Variants in CATSPERB observed in about 807,000 individuals in gnomAD.
CATSPERB encodes cation channel sperm-associated auxiliary subunit beta.
In CATSPERB, 93 loss-of-function variants were observed where a neutral mutation model predicts 128.3. The ratio of observed to expected loss-of-function variants is 0.72; its 90% CI spans 0.61 to 0.86. The LOEUF is 0.86. CATSPERB is among the 40% of genes least tolerant of loss of function. The probability of loss-of-function intolerance (pLI) is 0.00; values close to 1 mark genes in which losing one functional copy is unlikely to be tolerated. For synonymous variants in CATSPERB, 381 were observed against 448.8 expected (o/e 0.85, Z 1.91); for missense variants, 1,153 against 1,329.5 (o/e 0.87, Z 2.06).
chr14:91,660,114 TCTCACACACA>T (rs1381475901), intron 14 of CATSPERB, 133 bp from the exon 15 acceptor site: 62 of 352,686 alleles, frequency 1.8e-4, no homozygotes, highest in East Asian at 9.9e-4. Context: ...TCTCTCTCTC[TCTCACACACA>T]CACACACACA....
intron 2 of CATSPERB, among the ~76,000 whole-genome samples, chr14:91,725,922 A>C (rs890437272): frequency 6.6e-6 from 1 of 152,168 alleles, no homozygotes; most frequent in East Asian, 1.9e-4. Context: ...CTCAGAGCAG[A>C]CTAGTAGGTA....
intron 15 of CATSPERB, among the ~76,000 whole-genome samples, chr14:91,653,476 G>A (rs1050015975): frequency 2.0e-5 from 3 of 152,148 alleles, no homozygotes; most frequent in South Asian, 2.1e-4. Context: ...AGACATGCCC[G>A]AGACTGGGCA....
intron 7 of CATSPERB, among the ~76,000 whole-genome samples, chr14:91,701,578 C>T (rs7145655): frequency 5.3e-5 from 8 of 152,172 alleles, no homozygotes; most frequent in African/African-American, 1.4e-4. Context: ...AAATGATCTG[C>T]GGAAGCTTAT....
At chr14:91,642,967 T>C (rs2139808467) in intron 15 of CATSPERB, among the ~76,000 whole-genome samples, 1 of 130,934 alleles carries the variant, frequency 7.6e-6, no homozygotes, top group African/African-American at 2.9e-5. Context: ...AATTTATCCA[T>C]TTCTTCTAGA....
intron 11 of CATSPERB, among the ~76,000 whole-genome samples, chr14:91,676,244 G>T (rs557457089): frequency 1.3e-5 from 2 of 152,080 alleles, no homozygotes; most frequent in South Asian, 4.2e-4. Flanking sequence ...CATCAACACT[G>T]GTTGTGTAAA....
chr14:91,702,688 A>ACACACACT (rs1240400266), intron 7 of CATSPERB, among the ~76,000 whole-genome samples: 1 of 151,358 alleles, frequency 6.6e-6, no homozygotes, highest in Non-Finnish European at 1.5e-5. Context: ...ACACACACAC[A>ACACACACT]CACACACACA....
intron 15 of CATSPERB, among the ~76,000 whole-genome samples, chr14:91,652,614 T>A (rs1441951947): frequency 7.8e-6 from 1 of 128,680 alleles, no homozygotes; most frequent in Non-Finnish European, 1.5e-5. Flanking sequence ...GAGGTTGCAG[T>A]GAGCTGAGAT....
chr14:91,605,435 A>C, intron 22 of CATSPERB: 1 of 494,664 alleles, frequency 2.0e-6, no homozygotes, highest in East Asian at 3.3e-5. Flanking sequence ...CAGAAGCGAA[A>C]GTATCAAGAG....
chr14:91,617,815 T>A (rs1893972280), intron 19 of CATSPERB, 79 bp from the exon 20 acceptor site: 3 of 999,778 alleles, frequency 3.0e-6, no homozygotes, highest in Non-Finnish European at 4.5e-6. Context: ...CTAATCAGAT[T>A]TTAGAACATC....
rs1263959960 is a variant in CATSPERB, at chr14:91,657,577, C to G, written c.1432+2260G>C. Among the ~76,000 whole-genome samples the G allele has an allele frequency of 2.6e-5, 4 of 152,134 alleles. No individual in the cohort carries two copies. The East Asian group carries it at 7.7e-4, about 29-fold the overall frequency. On this transcript the variant is annotated intron_variant, in intron 15 of 26. Transcript: ENST00000256343. ...CAAAAGAAACAATTAACAAAGTGAA[C>G]AGACAATCCACAGAACAGAAGAAAA... is the stretch of plus-strand genomic sequence containing the variant.
chr14:91,682,671 C>G (rs1595177412), intron 11 of CATSPERB, among the ~76,000 whole-genome samples: 2 of 152,292 alleles, frequency 1.3e-5, no homozygotes, highest in South Asian at 4.2e-4. Flanking sequence ...TGCCTGCCAA[C>G]TGGGAAAGCA....
At position 91,589,420 on chromosome 14, in the gene CATSPERB, C is replaced by T. The variant is rs963517491; in HGVS notation, c.2956+114G>A. On this transcript the variant is annotated intron_variant, in intron 24 of 26. Coordinates refer to ENST00000256343, the MANE Select transcript of CATSPERB (RefSeq NM_024764.4). ...ATGCCAACTGATCCAAATCCATTTG[C>T]AAGAACTCCTGGCTCTCTTTTGTGT... The T allele has an allele frequency of 5.5e-5, 55 of 1,001,710 alleles. No individual in the cohort carries two copies. The African/African-American group carries it at 7.7e-4, about 14-fold the overall frequency. The allele number at this position is 1,001,710 out of a possible 1,614,324, so 62.1% of individuals were successfully genotyped here. A position where few individuals can be genotyped will look rare whatever the true frequency, so the allele number is the denominator to read the frequency against.
At chr14:91,715,079 A>G (rs1895914474) in intron 5 of CATSPERB, 1 of 152,156 alleles carries the variant, frequency 6.6e-6, no homozygotes, top group East Asian at 1.9e-4. Context: ...ACACATTCAC[A>G]GAAGCTTCTC....
intron 26 of CATSPERB, among the ~76,000 whole-genome samples, chr14:91,584,299 C>A (rs1893258998): frequency 6.6e-6 from 1 of 152,046 alleles, no homozygotes. Context: ...GAACTCCTGA[C>A]CTCAAGTGAT....
chr14:91,584,951 T>C (rs924994638), intron 26 of CATSPERB, among the ~76,000 whole-genome samples: 2 of 152,202 alleles, frequency 1.3e-5, no homozygotes, highest in Non-Finnish European at 2.9e-5. Flanking sequence ...ACTTACGTCT[T>C]CACCAAACTT....
At chr14:91,722,579 G>A (rs926169622) in intron 4 of CATSPERB, among the ~76,000 whole-genome samples, 3 of 152,152 alleles carry the variant, frequency 2.0e-5, no homozygotes, top group African/African-American at 4.8e-5. Context: ...TCTGGAATTA[G>A]TAGTGATGGT....
In CATSPERB at chr14:91,672,547, T is replaced by A. The variant is rs185795343; in HGVS notation, c.1128+320A>T. ...TATAGATCTGTGGCAATTACTTCCATTTTTTTTTCTGTTTAATTAACCATT... is the reference window on the plus strand; with the variant it reads ...TATAGATCTGTGGCAATTACTTCCAATTTTTTTTCTGTTTAATTAACCATT... On this transcript the variant is annotated intron_variant, in intron 13 of 26. Coordinates refer to ENST00000256343, the MANE Select transcript of CATSPERB (RefSeq NM_024764.4). Among the ~76,000 whole-genome samples, 1,149 of 148,638 alleles carry A rather than the reference T, an allele frequency of 7.7e-3. 12 individuals carry two copies. Among genetic ancestry groups the A allele is most frequent in the Non-Finnish European group, 9.2e-3 (613 of 66,364 alleles).
chr14:91,629,609 G>A (rs1421041110), intron 17 of CATSPERB, among the ~76,000 whole-genome samples: 2 of 152,182 alleles, frequency 1.3e-5, no homozygotes, highest in African/African-American at 2.4e-5. Flanking sequence ...GGAAGGTTTC[G>A]TGTGTGTATG....
chr14:91,596,997 C>T (rs1342261819), intron 22 of CATSPERB, among the ~76,000 whole-genome samples: 3 of 151,884 alleles, frequency 2.0e-5, no homozygotes, highest in African/African-American at 7.3e-5. Context: ...CTCCATTCTC[C>T]TGCCTCAGCC....
Sources: allele counts gnomAD v4.1 joint callset (sites outside exome capture counted in the v4.1 genomes callset), GRCh38; gene constraint gnomAD v4.1.1; transcripts MANE v1.5; gene names NCBI Gene and HGNC (gene_info 2026-07-23, HGNC 2026-07-21).